PGK1: variants seen among roughly 807,000 people sequenced by gnomAD.
The protein encoded by PGK1 is phosphoglycerate kinase 1.
A neutral mutation model predicts 26.9 loss-of-function variants in PGK1; 3 were observed. That is an observed-to-expected ratio of 0.11 (90% CI 0.05 to 0.29). The LOEUF is 0.29. PGK1 is among the 10% of genes least tolerant of loss of function. PGK1 has a pLI of 1.00. For missense variants in PGK1, 270 were observed against 314.7 expected, an observed-to-expected ratio of 0.86 and a Z score of 1.07; for synonymous variants, 125 against 115.3, an observed-to-expected ratio of 1.08 and a Z score of -0.54.
intron 4 of PGK1, among the ~76,000 whole-genome samples, chrX:78,114,991 G>A (rs1557247327): frequency 8.9e-6 from 1 of 112,068 alleles, no homozygotes; most frequent in Non-Finnish European, 1.9e-5. Flanking sequence ...TGAGTCTAGT[G>A]TCTCAGTCTC....
intron 1 of PGK1, 106 bp from the exon 2 acceptor site, chrX:78,109,761 G>A: frequency 6.7e-6 from 4 of 599,248 alleles, no homozygotes; most frequent in Non-Finnish European, 1.2e-5. Context: ...TTATTTTTAA[G>A]ATGAGATTTG....
rs1312278120 is a variant in PGK1, at chrX:78,126,663, TAAAG to T, written c.*837_*840del. 1 of 111,093 alleles carries T rather than the reference TAAAG, an allele frequency of 9.0e-6. No homozygotes were observed. The highest frequency in any genetic ancestry group is 1.9e-5 in the Non-Finnish European group (1 of 52,988). The allele number at this position is 111,093 out of a possible 1,213,427, so 9.2% of individuals were successfully genotyped here. A position where few individuals can be genotyped will look rare whatever the true frequency, so the allele number is the denominator to read the frequency against. On this transcript the variant is annotated 3_prime_UTR_variant, in exon 11 of 11. Transcript: ENST00000373316. ...GTTCACTTCTTTTTTTTTTATTTTT[TAAAG>T]AAATCTATTTCATACCATGGAGGAA... is the stretch of plus-strand genomic sequence containing the variant.
intron 4 of PGK1, among the ~76,000 whole-genome samples, chrX:78,115,203 G>T (rs2078320897): frequency 1.8e-5 from 2 of 111,758 alleles, no homozygotes; most frequent in African/African-American, 6.5e-5. Flanking sequence ...CTTAGAAGTG[G>T]CAGGAGGCAA....
chrX:78,115,304 T>G (rs2078321221), intron 4 of PGK1, among the ~76,000 whole-genome samples: 1 of 111,258 alleles, frequency 9.0e-6, no homozygotes, highest in African/African-American at 3.3e-5. Flanking sequence ...TGACATTCAC[T>G]ATCTAATGGC....
Position 78,118,068 on chromosome X carries a change from A to G in PGK1, c.539A>G (p.Asn180Ser), listed in dbSNP as rs781839243. The change falls in exon 6 of 11, where the codon AAT becomes AGT. Residue 180 changes from asparagine (N) to serine (S), a missense_variant. By Grantham distance (46) the Asn-to-Ser change is conservative. Transcript: ENST00000373316. The stretch of plus-strand genomic sequence containing the variant: ...TTTTCTAGCTCCATGGTAGGAGTCA[A>G]TCTGCCACAGAAGGCTGGTGGGTTT... ...HRAHSSMVGV[N>S]LPQKAGGFLM... The G allele has an allele frequency of 2.1e-5, 25 of 1,204,976 alleles. No homozygotes were observed. Among genetic ancestry groups the G allele is most frequent in the East Asian group, 8.9e-5 (3 of 33,767 alleles).
intron 1 of PGK1, among the ~76,000 whole-genome samples, chrX:78,106,869 C>CA (rs2078274988): frequency 9.1e-6 from 1 of 109,666 alleles, no homozygotes. Context: ...TTGCTCCTGC[C>CA]TTTTTTTTTA....
chrX:78,112,692 G>C (rs1386783839), intron 2 of PGK1, among the ~76,000 whole-genome samples: 1 of 111,602 alleles, frequency 9.0e-6, no homozygotes, highest in Non-Finnish European at 1.9e-5. Flanking sequence ...GTGTTTTCAG[G>C]GGTCCCCAAG....
chrX:78,123,076 G>T (rs958531032), intron 7 of PGK1, 119 bp from the exon 8 acceptor site: 6 of 720,699 alleles, frequency 8.3e-6, no homozygotes, highest in Middle Eastern at 2.9e-4. Flanking sequence ...ATTTTGGCAA[G>T]TCTTTCGTCT....
In PGK1 at chrX:78,104,262, A is replaced by C; in HGVS notation, c.-79A>C. On this transcript the variant is annotated 5_prime_UTR_variant, in exon 1 of 11. Coordinates refer to ENST00000373316, the MANE Select transcript of PGK1 (RefSeq NM_000291.4). ...GCCCGCGCGGTGTTCCGCATTCTGC[A>C]AGCCTCCGGAGCGCACGTCGGCAGT... The C allele has an allele frequency of 1.3e-6, 1 of 756,964 alleles. No homozygotes were observed. The highest frequency in any genetic ancestry group is 3.2e-5 in the East Asian group (1 of 31,189). The allele number at this position is 756,964 out of a possible 1,213,427, so 62.4% of individuals were successfully genotyped here. A position where few individuals can be genotyped will look rare whatever the true frequency, so the allele number is the denominator to read the frequency against.
chrX:78,108,565 A>T (rs1603396513), intron 1 of PGK1, among the ~76,000 whole-genome samples: 1 of 112,216 alleles, frequency 8.9e-6, no homozygotes, highest in Non-Finnish European at 1.9e-5. Flanking sequence ...TCAGTGAGGT[A>T]GATTGGAGTT....
chrX:78,128,195 A>G lies in PGK1; in HGVS notation c.*2365A>G, dbSNP rs1294603430. 8.8e-6 allele frequency: 1 copy of G among 113,209 alleles called. No individual in the cohort carries two copies. Among genetic ancestry groups the G allele is most frequent in the Non-Finnish European group, 1.9e-5 (1 of 53,431 alleles). 9.3% of individuals were successfully genotyped at this position (113,209 alleles called of 1,213,427 possible). On this transcript the variant is annotated 3_prime_UTR_variant, in exon 11 of 11. Transcript: ENST00000373316. ...GAATATAAGAGCATTTATGTTCTGA[A>G]GGAATTTTTAACCTAACCAAAGAAG...
intron 6 of PGK1, among the ~76,000 whole-genome samples, chrX:78,119,595 C>A (rs1557247801): frequency 1.8e-5 from 2 of 111,782 alleles, no homozygotes; most frequent in Non-Finnish European, 3.8e-5. Context: ...CAAATCTCAT[C>A]TCGAATTATC....
intron 9 of PGK1, 91 bp from the exon 10 acceptor site, chrX:78,125,236 G>T: frequency 1.3e-6 from 1 of 786,864 alleles, no homozygotes; most frequent in Non-Finnish European, 1.9e-6. Context: ...CTACCTTTTG[G>T]GTTGGGGAGC....
chrX:78,112,175 GGTTT>G (rs2078304631), intron 2 of PGK1, among the ~76,000 whole-genome samples: 2 of 111,447 alleles, frequency 1.8e-5, no homozygotes, highest in African/African-American at 6.5e-5. Context: ...GGGGAACAAT[GGTTT>G]GTTTTTTTTC....
intron 2 of PGK1, among the ~76,000 whole-genome samples, chrX:78,112,463 A>G (rs951732376): frequency 6.2e-5 from 7 of 112,230 alleles, no homozygotes; most frequent in Non-Finnish European, 1.3e-4. Context: ...AAATGTTTAA[A>G]GGGAGTTAAT....
intron 2 of PGK1, 92 bp from the exon 3 acceptor site, chrX:78,113,652 G>A: frequency 1.2e-6 from 1 of 811,634 alleles, no homozygotes. Context: ...AGAAGAAAAG[G>A]AGCTTTATGC....
chrX:78,108,936 C>T (rs1326690578), intron 1 of PGK1, among the ~76,000 whole-genome samples: 3 of 111,961 alleles, frequency 2.7e-5, no homozygotes, highest in African/African-American at 9.8e-5. Context: ...ATACTGTCAT[C>T]CCGATGAGAA....
chrX:78,117,848 T>G (rs782334208), intron 5 of PGK1, among the ~76,000 whole-genome samples: 2 of 112,773 alleles, frequency 1.8e-5, no homozygotes, highest in South Asian at 7.2e-4. Flanking sequence ...GTTCATTACT[T>G]TTTTACTCTT....
Position 78,115,135 on chromosome X carries a change from G to A in PGK1, c.417+975G>A, listed in dbSNP as rs190030730. Reference sequence around the variant, plus strand: ...CTTGCTGCAGTATTAGGAGTCAAATGCTGACCTAAAATTTGGTGTCCTTTT... The same window carrying A: ...CTTGCTGCAGTATTAGGAGTCAAATACTGACCTAAAATTTGGTGTCCTTTT... On this transcript the variant is annotated intron_variant, in intron 4 of 10. Transcript: ENST00000373316. 2.2e-3 allele frequency among the ~76,000 whole-genome samples: 242 copies of A among 111,406 alleles called. 2 individuals carry two copies. The highest frequency in any genetic ancestry group is 7.3e-3 in the African/African-American group (223 of 30,601).
Sources: gnomAD v4.1 joint callset for allele counts (sites outside exome capture counted in the v4.1 genomes callset) on GRCh38, gnomAD v4.1.1 for gene constraint, MANE v1.5 for transcripts, NCBI Gene and HGNC (gene_info 2026-07-23, HGNC 2026-07-21) for gene names.